MCC: variants seen among roughly 807,000 people sequenced by gnomAD.
MCC encodes the protein colorectal mutant cancer protein.
MCC carries 90 observed loss-of-function variants against 116.2 expected under a neutral mutation model. The ratio of observed to expected loss-of-function variants is 0.77; its 90% CI spans 0.65 to 0.92. MCC has a LOEUF of 0.92. Among genes scored for constraint, MCC ranks in the 40% least tolerant of loss-of-function variants. The pLI, the probability that MCC is intolerant of heterozygous loss-of-function variation, is 0.00. For synonymous variants in MCC, 578 were observed against 510.5 expected (o/e 1.13, Z -1.78); for missense variants, 1,516 against 1,312.2 (o/e 1.16, Z -2.40).
intron 3 of MCC, among the ~76,000 whole-genome samples, chr5:113,229,478 G>T (rs943799095): frequency 6.6e-6 from 1 of 152,138 alleles, no homozygotes; most frequent in Non-Finnish European, 1.5e-5. Flanking sequence ...AGCTTAAAAA[G>T]AAAAGATGAA....
chr5:113,120,874 C>A (rs1426050670), intron 6 of MCC, among the ~76,000 whole-genome samples: 1 of 152,202 alleles, frequency 6.6e-6, no homozygotes, highest in African/African-American at 2.4e-5. Flanking sequence ...CCTTCTGAAG[C>A]ACCTCCGCTC....
chr5:113,457,717 C>T (rs1412978015), intron 1 of MCC, among the ~76,000 whole-genome samples: 3 of 145,072 alleles, frequency 2.1e-5, no homozygotes, highest in African/African-American at 8.3e-5. Context: ...AATCAGCACC[C>T]TGTGTCTAGC....
At chr5:113,273,101 A>G (rs1765676723) in intron 3 of MCC, among the ~76,000 whole-genome samples, 1 of 151,898 alleles carries the variant, frequency 6.6e-6, no homozygotes, top group Non-Finnish European at 1.5e-5. Context: ...TACTAGAAAG[A>G]AAAATAAAAG....
intron 10 of MCC, 49 bp from the exon 11 acceptor site, chr5:113,083,057 T>G (rs1754970145): frequency 6.6e-7 from 1 of 1,526,264 alleles, no homozygotes; most frequent in Admixed American, 1.9e-5. Context: ...ATTTCAGAGA[T>G]GCATGTTTTG....
chr5:113,084,272 A>T, intron 9 of MCC, 82 bp from the exon 10 acceptor site: 1 of 1,063,850 alleles, frequency 9.4e-7, no homozygotes, highest in Non-Finnish European at 1.4e-6. Context: ...ATACAGGGCT[A>T]CTTTTTAGCC....
intron 3 of MCC, among the ~76,000 whole-genome samples, chr5:113,154,659 G>A (rs1437920659): frequency 6.6e-6 from 1 of 152,200 alleles, no homozygotes; most frequent in Non-Finnish European, 1.5e-5. Flanking sequence ...TCAAAAGCTA[G>A]AGTGTTTGTG....
At chr5:113,119,404 AGGAAGGAGGGCTCCAGGC>A (rs1757602381) in intron 6 of MCC, among the ~76,000 whole-genome samples, 1 of 152,140 alleles carries the variant, frequency 6.6e-6, no homozygotes, top group Non-Finnish European at 1.5e-5. Flanking sequence ...ACAGCTGCCG[AGGAAGGAGGGCTCCAGGC>A]GGAAGGAACA....
intron 3 of MCC, among the ~76,000 whole-genome samples, chr5:113,201,229 T>C (rs1216755190): frequency 6.6e-6 from 1 of 151,792 alleles, no homozygotes. Context: ...CTACTAAAAA[T>C]ACAAAATTAG....
intron 1 of MCC, among the ~76,000 whole-genome samples, chr5:113,446,407 T>C (rs923623344): frequency 1.5e-5 from 2 of 135,728 alleles, no homozygotes; most frequent in Admixed American, 7.6e-5. Context: ...AAGCAAAAAA[T>C]ATATAACCTT....
intron 3 of MCC, among the ~76,000 whole-genome samples, chr5:113,281,605 T>C (rs1766050222): frequency 6.6e-6 from 1 of 152,214 alleles, no homozygotes; most frequent in Non-Finnish European, 1.5e-5. Context: ...AAGGAATTAG[T>C]ATTGCCACTT....
At chr5:113,285,740 A>G (rs114584709) in intron 3 of MCC, among the ~76,000 whole-genome samples, 2,716 of 152,276 alleles carry the variant, frequency 0.018, 42 homozygotes, top group Middle Eastern at 0.071. Flanking sequence ...TTTACAGCAC[A>G]TATCACCACT....
rs552927369 is a variant in MCC, at chr5:113,469,088, T to C, written c.170+19157A>G. Among the ~76,000 whole-genome samples the C allele has an allele frequency of 2.6e-5, 4 of 152,340 alleles. No individual in the cohort carries two copies. In the East Asian group the frequency reaches 5.8e-4, roughly 22 times the overall value. On this transcript the variant is annotated intron_variant, in intron 1 of 18. Transcript: ENST00000408903. ...TCTTCTCTCTTTTCTTCTTTATTAGTCTTGCTAGAAGTCTATCAATTTTGT... is the reference window on the plus strand; with the variant it reads ...TCTTCTCTCTTTTCTTCTTTATTAGCCTTGCTAGAAGTCTATCAATTTTGT...
intron 1 of MCC, among the ~76,000 whole-genome samples, chr5:113,449,723 C>T (rs1395584018): frequency 6.6e-6 from 1 of 152,214 alleles, no homozygotes; most frequent in African/African-American, 2.4e-5. Flanking sequence ...CATCCCAGGA[C>T]AGTCTACATG....
At chr5:113,094,379 T>C (rs894937567) in intron 8 of MCC, among the ~76,000 whole-genome samples, 1 of 151,664 alleles carries the variant, frequency 6.6e-6, no homozygotes, top group African/African-American at 2.4e-5. Flanking sequence ...GGATGTGTTA[T>C]AAAAATGGTT....
intron 8 of MCC, among the ~76,000 whole-genome samples, chr5:113,100,866 A>G (rs1176879413): frequency 6.6e-6 from 1 of 152,182 alleles, no homozygotes; most frequent in Non-Finnish European, 1.5e-5. Flanking sequence ...CAAGACCAAG[A>G]AAGAGAGTCA....
Position 113,385,221 on chromosome 5 carries a change from G to A in MCC, c.171-9C>T. 17 of 1,610,978 alleles carry A rather than the reference G, an allele frequency of 1.1e-5. No homozygotes were observed. Among genetic ancestry groups the A allele is most frequent in the Non-Finnish European group, 1.4e-5 (17 of 1,177,570 alleles). ...CCATTAGCAAGTCATTTCTGCAGAA[G>A]GGGTTGAACAGAAGAAAATGTGTTA... On this transcript the variant is annotated splice_polypyrimidine_tract_variant and intron_variant, in intron 1 of 18. Transcript: ENST00000408903.
intron 8 of MCC, among the ~76,000 whole-genome samples, chr5:113,089,198 G>T (rs900063065): frequency 6.6e-6 from 1 of 152,166 alleles, no homozygotes; most frequent in African/African-American, 2.4e-5. Context: ...TGAAAGAGGG[G>T]TATCAACAAG....
At chr5:113,418,514 C>G (rs1241733942) in intron 1 of MCC, among the ~76,000 whole-genome samples, 8 of 150,030 alleles carry the variant, frequency 5.3e-5, no homozygotes. Context: ...CAACCTCCAG[C>G]CATGTGAAAT....
At chr5:113,044,219 T>C (rs1261358840) in intron 16 of MCC, among the ~76,000 whole-genome samples, 2 of 152,098 alleles carry the variant, frequency 1.3e-5, no homozygotes, top group African/African-American at 2.4e-5. Context: ...CTGGGTTCAG[T>C]GTAATCATCA....
Sources: allele counts gnomAD v4.1 joint callset (sites outside exome capture counted in the v4.1 genomes callset), GRCh38; gene constraint gnomAD v4.1.1; transcripts MANE v1.5; gene names NCBI Gene and HGNC (gene_info 2026-07-23, HGNC 2026-07-21).